The following DYNC1LI2 variants were observed in gnomAD, a reference collection of about 807,000 sequenced individuals.
DYNC1LI2 encodes dynein cytoplasmic 1 light intermediate chain 2.
A neutral mutation model predicts 57.8 loss-of-function variants in DYNC1LI2; 19 were observed. The ratio of observed to expected loss-of-function variants is 0.33; its 90% CI spans 0.23 to 0.48. The LOEUF (loss-of-function observed/expected upper bound fraction) is 0.48. Ranked by LOEUF, DYNC1LI2 falls within the 20% of genes least tolerant of loss-of-function variation. The probability of loss-of-function intolerance (pLI) is 0.99; values close to 1 mark genes in which losing one functional copy is unlikely to be tolerated. For missense variants in DYNC1LI2, 470 were observed against 604.2 expected, an observed-to-expected ratio of 0.78 and a Z score of 2.33; for synonymous variants, 256 against 233.4, an observed-to-expected ratio of 1.10 and a Z score of -0.88.
chr16:66,737,954 T>G lies in DYNC1LI2; in HGVS notation c.530-1710A>C, dbSNP rs1208499315. On this transcript the variant is annotated intron_variant, in intron 4 of 12. Coordinates refer to ENST00000258198, the MANE Select transcript of DYNC1LI2 (RefSeq NM_006141.3). ...GGCAGCTCTACCCTTCTAAGTCCAG[T>G]AAGACTGAAGGATCAAAGGCCTTTT... Among the ~76,000 whole-genome samples the G allele has an allele frequency of 2.0e-5, 3 of 152,128 alleles. No homozygotes were observed. In the East Asian group the frequency reaches 5.8e-4, roughly 29 times the overall value.
chr16:66,744,706 C>A (rs575653481), intron 3 of DYNC1LI2, among the ~76,000 whole-genome samples: 1 of 151,914 alleles, frequency 6.6e-6, no homozygotes, highest in Non-Finnish European at 1.5e-5. Flanking sequence ...ACTACAGGCA[C>A]GTGCCACTAC....
intron 6 of DYNC1LI2, 91 bp from the exon 7 acceptor site, chr16:66,732,565 A>G: frequency 7.1e-7 from 1 of 1,411,082 alleles, no homozygotes; most frequent in Non-Finnish European, 9.4e-7. Flanking sequence ...TAGGTTGATC[A>G]GTTTTTGATC....
intron 2 of DYNC1LI2, among the ~76,000 whole-genome samples, chr16:66,749,641 G>C (rs2018004595): frequency 6.6e-6 from 1 of 152,106 alleles, no homozygotes; most frequent in African/African-American, 2.4e-5. Flanking sequence ...AAAAGGTAGG[G>C]TTAGTTTCTC....
At chr16:66,738,328 A>ATCCTC in intron 4 of DYNC1LI2, 1 of 137,584 alleles carries the variant, frequency 7.3e-6, no homozygotes, top group Admixed American at 8.7e-5. Flanking sequence ...GGCTCACTGC[A>ATCCTC]TCCTCCACCT....
intron 12 of DYNC1LI2, chr16:66,724,589 G>A (rs2017503757): frequency 6.6e-6 from 1 of 152,200 alleles, no homozygotes; most frequent in Admixed American, 6.5e-5. Context: ...AGCTTCTTGG[G>A]AAAATGTGTA....
chr16:66,728,877 A>T (rs1375626461), intron 9 of DYNC1LI2, among the ~76,000 whole-genome samples, 163 bp downstream of exon 9: 1 of 152,174 alleles, frequency 6.6e-6, no homozygotes, highest in Non-Finnish European at 1.5e-5. Flanking sequence ...TCCATCCCCA[A>T]CTAATCCTAG....
In DYNC1LI2 at chr16:66,730,381, A is replaced by G. The variant is rs553627987; in HGVS notation, c.930-158T>C. On this transcript the variant is annotated intron_variant, in intron 7 of 12. Transcript: ENST00000258198. ...GCTTTTGGCAGATGTGCCAAAATAC[A>G]CTGTGGGTATAATCCATCAGAACAT... 8.2e-6 allele frequency: 5 copies of G among 606,628 alleles called. No individual in the cohort carries two copies. In the Admixed American group the frequency reaches 1.6e-4, roughly 19 times the overall value. 37.6% of individuals were successfully genotyped at this position (606,628 alleles called of 1,614,324 possible). A position where few individuals can be genotyped will look rare whatever the true frequency, so the allele number is the denominator to read the frequency against.
chr16:66,740,086 C>T (rs1335047933), intron 4 of DYNC1LI2, among the ~76,000 whole-genome samples: 2 of 152,082 alleles, frequency 1.3e-5, no homozygotes, highest in African/African-American at 2.4e-5. Flanking sequence ...AGAAAAGCCC[C>T]ATATATAAAA....
At chr16:66,744,606 C>T (rs368468846) in intron 3 of DYNC1LI2, among the ~76,000 whole-genome samples, 104 of 152,220 alleles carry the variant, frequency 6.8e-4, no homozygotes, top group African/African-American at 2.3e-3. Flanking sequence ...ACGATATTGG[C>T]TCACTGCAAC....
intron 3 of DYNC1LI2, among the ~76,000 whole-genome samples, chr16:66,745,574 G>A (rs542957038): frequency 3.3e-5 from 5 of 149,698 alleles, no homozygotes; most frequent in East Asian, 4.2e-4. Context: ...CACCGCGCCC[G>A]GCCTATTAGC....
chr16:66,736,586 C>T (rs536680991), intron 4 of DYNC1LI2, among the ~76,000 whole-genome samples: 48 of 152,252 alleles, frequency 3.2e-4, no homozygotes, highest in Non-Finnish European at 4.7e-4. Context: ...ATATCACCAT[C>T]TTCTGAGCTC....
In DYNC1LI2 at chr16:66,737,490, C is replaced by CAAAA. The variant is rs754336347; in HGVS notation, c.530-1250_530-1247dup. Among the ~76,000 whole-genome samples the CAAAA allele has an allele frequency of 3.7e-3, 215 of 57,464 alleles. 9 individuals carry two copies. The highest frequency in any genetic ancestry group is 0.013 in the South Asian group (18 of 1,438). The allele number at this position is 57,464 out of a possible 152,430, so 37.7% of individuals were successfully genotyped here. ...AGTAAGACAGAGCGAGACTCCGTCTCAAAAAAAAAAAAAAAAAAAATGCTT... is the reference window on the plus strand; with the variant it reads ...AGTAAGACAGAGCGAGACTCCGTCTCAAAAAAAAAAAAAAAAAAAAAAAATGCTT... On this transcript the variant is annotated intron_variant, in intron 4 of 12. Coordinates refer to ENST00000258198, the MANE Select transcript of DYNC1LI2 (RefSeq NM_006141.3).
intron 3 of DYNC1LI2, among the ~76,000 whole-genome samples, 177 bp downstream of exon 3, chr16:66,749,020 A>G (rs2017991245): frequency 6.6e-6 from 1 of 152,110 alleles, no homozygotes; most frequent in Admixed American, 6.6e-5. Flanking sequence ...TTGCTAACAT[A>G]CTCTATAAAG....
intron 11 of DYNC1LI2, among the ~76,000 whole-genome samples, chr16:66,727,080 G>A (rs1263652074): frequency 1.3e-5 from 2 of 152,066 alleles, no homozygotes; most frequent in African/African-American, 2.4e-5. Context: ...ATCATGCCCA[G>A]CTAATTTTTC....
chr16:66,726,160 A>G (rs931458521), intron 11 of DYNC1LI2, among the ~76,000 whole-genome samples: 3 of 152,142 alleles, frequency 2.0e-5, no homozygotes, highest in African/African-American at 7.2e-5. Context: ...CTTGTTTGGG[A>G]GCAGAATAGA....
intron 8 of DYNC1LI2, among the ~76,000 whole-genome samples, chr16:66,729,419 T>G (rs952356833): frequency 6.6e-6 from 1 of 151,956 alleles, no homozygotes; most frequent in Non-Finnish European, 1.5e-5. Context: ...CACCACCAAC[T>G]CCAGGTGAGC....
At chr16:66,738,112 T>C (rs1201837764) in intron 4 of DYNC1LI2, among the ~76,000 whole-genome samples, 1 of 152,218 alleles carries the variant, frequency 6.6e-6, no homozygotes, top group African/African-American at 2.4e-5. Context: ...TTACAAAGAT[T>C]TGACGTTACT....
At position 66,749,290 on chromosome 16, in the gene DYNC1LI2, T is replaced by A; in HGVS notation, c.205A>T (p.Thr69Ser). 6.2e-7 allele frequency: 1 copy of A among 1,614,174 alleles called. No individual in the cohort carries two copies. The highest frequency in any genetic ancestry group is 8.5e-7 in the Non-Finnish European group (1 of 1,180,024). The change falls in exon 3 of 13, where the codon ACC becomes TCC. Residue 69 changes from threonine to serine, a missense_variant. Thr to Ser is a moderately conservative substitution (Grantham distance 58). Transcript: ENST00000258198. ...GCTCCTTGTAGTTTAGTCATGAGGGTTGTTTTACCAGAACCATCTTCACCT... is the reference window on the plus strand; with the variant it reads ...GCTCCTTGTAGTTTAGTCATGAGGGATGTTTTACCAGAACCATCTTCACCT... The part of the protein sequence containing the change: ...VFGEDGSGKT[T>S]LMTKLQGAEH...
At chr16:66,741,104 T>C (rs1278341836) in intron 4 of DYNC1LI2, among the ~76,000 whole-genome samples, 2 of 152,122 alleles carry the variant, frequency 1.3e-5, no homozygotes, top group Non-Finnish European at 2.9e-5. Flanking sequence ...TTTCCCTATC[T>C]GGGAAAAAAC....
Sources: gnomAD v4.1 joint callset for allele counts (sites outside exome capture counted in the v4.1 genomes callset) on GRCh38, gnomAD v4.1.1 for gene constraint, MANE v1.5 for transcripts, NCBI Gene and HGNC (gene_info 2026-07-23, HGNC 2026-07-21) for gene names.